Variants in SARDH observed in about 807,000 individuals in gnomAD.
The protein encoded by SARDH is sarcosine dehydrogenase.
SARDH carries 95 observed loss-of-function variants against 109.1 expected under a neutral mutation model. The ratio of observed to expected loss-of-function variants is 0.87; its 90% CI spans 0.74 to 1.03. The LOEUF (loss-of-function observed/expected upper bound fraction) is 1.03. SARDH is among the 50% of genes least tolerant of loss of function. The probability of loss-of-function intolerance (pLI) is 0.00; values close to 1 mark genes in which losing one functional copy is unlikely to be tolerated. For missense variants in SARDH, 1,267 were observed against 1,287.8 expected, an observed-to-expected ratio of 0.98 and a Z score of 0.25; for synonymous variants, 572 against 534.8, an observed-to-expected ratio of 1.07 and a Z score of -0.96.
At chr9:133,703,620 A>T (rs1352012612) in intron 12 of SARDH, 2 of 152,194 alleles carry the variant, frequency 1.3e-5, no homozygotes, top group Non-Finnish European at 2.9e-5. Flanking sequence ...ACAGCCCCAC[A>T]GCCCCATGCC....
At position 133,696,291 on chromosome 9, in the gene SARDH, T is replaced by C. The variant is rs143546670; in HGVS notation, c.1739A>G (p.Tyr580Cys). 2.3e-4 allele frequency: 378 copies of C among 1,614,052 alleles called. No homozygotes were observed. The highest frequency in any genetic ancestry group is 3.0e-4 in the Non-Finnish European group (355 of 1,180,010). The change falls in exon 14 of 21, where the codon TAC becomes TGC. Residue 580 changes from tyrosine to cysteine, a missense_variant. Transcript: ENST00000439388. ...VFDMSYFGKF[Y>C]LVGLDARKAA... ...CTTCCTTGCATCCAGCCCCACCAGG[T>C]AGAACTTCCCGAAGTAGGACATGTC...
At chr9:133,736,064 A>G (rs1008037306) in intron 1 of SARDH, among the ~76,000 whole-genome samples, 1 of 151,696 alleles carries the variant, frequency 6.6e-6, no homozygotes, top group Admixed American at 6.6e-5. Context: ...AAAAGATGCG[A>G]AAGAGACATG....
At chr9:133,733,736 T>C in intron 2 of SARDH, 107 bp downstream of exon 2, 1 of 1,149,154 alleles carries the variant, frequency 8.7e-7, no homozygotes, top group Non-Finnish European at 1.2e-6. Context: ...CAGGGTCTCT[T>C]CCCCAGGCTG....
At chr9:133,710,150 A>T (rs909300338) in intron 10 of SARDH, among the ~76,000 whole-genome samples, 1 of 152,194 alleles carries the variant, frequency 6.6e-6, no homozygotes, top group East Asian at 1.9e-4. Flanking sequence ...CCCAGCCCAC[A>T]CTCTGGCTCT....
intron 17 of SARDH, among the ~76,000 whole-genome samples, chr9:133,680,584 G>C (rs1830663527): frequency 6.6e-6 from 1 of 152,154 alleles, no homozygotes; most frequent in Non-Finnish European, 1.5e-5. Context: ...ACCTCCCCAG[G>C]GCCCTCAAGA....
rs1235234627 is a variant in SARDH at position 133,708,316 on chromosome 9, G to A, written c.1441C>T (p.Arg481Cys). The A allele has an allele frequency of 6.8e-6, 11 of 1,613,108 alleles. No individual in the cohort carries two copies. The South Asian group carries it at 7.7e-5, about 11-fold the overall frequency. ...VFPHDEPLAG[R>C]NMRRDPLHEE... ...TGCAGCGGGTCTCTCCTCATGTTGC[G>A]CCCGGCCAGCGGCTCATCGTGGGGG... The change falls in exon 11 of 21, where the codon CGC becomes TGC. Residue 481 changes from arginine (R) to cysteine (C), a missense_variant. By Grantham distance (180) the Arg-to-Cys change is radical (BLOSUM62 -3). Transcript: ENST00000439388.
intron 19 of SARDH, among the ~76,000 whole-genome samples, chr9:133,669,983 A>G (rs1271169480): frequency 6.6e-6 from 1 of 152,058 alleles, no homozygotes; most frequent in Non-Finnish European, 1.5e-5. Context: ...CTACCTCCCC[A>G]CGGGCCCTGC....
intron 17 of SARDH, among the ~76,000 whole-genome samples, chr9:133,675,555 G>T (rs1364813727): frequency 6.6e-6 from 1 of 152,056 alleles, no homozygotes; most frequent in Non-Finnish European, 1.5e-5. Flanking sequence ...GTGAGGATGT[G>T]GAGAAACTGG....
chr9:133,705,173 T>A, intron 11 of SARDH, 142 bp from the exon 12 acceptor site: 1 of 754,436 alleles, frequency 1.3e-6, no homozygotes, highest in South Asian at 1.7e-5. Flanking sequence ...TCCAGCCCAG[T>A]GTTTGCAGCT....
At chr9:133,714,145 G>A (rs1278977489) in intron 8 of SARDH, among the ~76,000 whole-genome samples, 2 of 152,182 alleles carry the variant, frequency 1.3e-5, no homozygotes, top group African/African-American at 2.4e-5. Context: ...GTTCGTGAAC[G>A]ATGATACGGG....
intron 15 of SARDH, 125 bp from the exon 16 acceptor site, chr9:133,690,652 G>T: frequency 9.0e-7 from 1 of 1,107,062 alleles, no homozygotes; most frequent in Non-Finnish European, 1.3e-6. Flanking sequence ...TGCCTTCACA[G>T]TGCCCAGGAA....
Position 133,710,608 on chromosome 9 carries a change from T to G in SARDH, c.1328+2011A>C, listed in dbSNP as rs193014032. Among the ~76,000 whole-genome samples, 7 of 152,356 alleles carry G rather than the reference T, an allele frequency of 4.6e-5. No individual in the cohort carries two copies. In the East Asian group the frequency reaches 1.4e-3, roughly 29 times the overall value. Reference sequence around the variant, plus strand: ...GAGAGCTCCGTTCTGGCGCCGACGCTCTCTGTTCACTTTCTTTTCTGGGTC... The same window carrying G: ...GAGAGCTCCGTTCTGGCGCCGACGCGCTCTGTTCACTTTCTTTTCTGGGTC... On this transcript the variant is annotated intron_variant, in intron 10 of 20. Coordinates refer to ENST00000439388, the MANE Select transcript of SARDH (RefSeq NM_001134707.2).
Position 133,718,850 on chromosome 9 carries a change from A to G in SARDH, c.1020+88T>C. Reference sequence around the variant, plus strand: ...CTCAGGTGTGCCTCTGAGGAGCTTCAGGAGGATGGACTTCCTGAAAGAGGC... The same window carrying G: ...CTCAGGTGTGCCTCTGAGGAGCTTCGGGAGGATGGACTTCCTGAAAGAGGC... On this transcript the variant is annotated intron_variant, in intron 7 of 20. Transcript: ENST00000439388. This position sits in a 1 kb window ranked among gnomAD's most constrained non-coding sequence, Gnocchi z 4.2. The G allele has an allele frequency of 1.9e-6, 2 of 1,045,060 alleles. No individual in the cohort carries two copies. Among genetic ancestry groups the G allele is most frequent in the Non-Finnish European group, 1.5e-6 (1 of 664,144 alleles). The allele number at this position is 1,045,060 out of a possible 1,614,324, so 64.7% of individuals were successfully genotyped here. A position where few individuals can be genotyped will look rare whatever the true frequency, so the allele number is the denominator to read the frequency against.
chr9:133,677,795 G>C (rs1001043209), intron 17 of SARDH, among the ~76,000 whole-genome samples: 19 of 152,226 alleles, frequency 1.2e-4, no homozygotes, highest in African/African-American at 4.3e-4. Flanking sequence ...CTGGACAAGA[G>C]GGGAATGATT....
chr9:133,716,234 C>T (rs1832117941), intron 8 of SARDH, among the ~76,000 whole-genome samples: 1 of 152,246 alleles, frequency 6.6e-6, no homozygotes. Context: ...TGATCAGTGA[C>T]TTGCATTGGG....
chr9:133,667,462 G>A (rs956312822), intron 19 of SARDH, among the ~76,000 whole-genome samples: 7 of 151,812 alleles, frequency 4.6e-5, no homozygotes, highest in African/African-American at 4.8e-5. Context: ...CACTGCGCCC[G>A]GCCAGGTTCA....
In SARDH at chr9:133,709,311, G is replaced by A. The variant is rs1262082108; in HGVS notation, c.1329-883C>T. On this transcript the variant is annotated intron_variant, in intron 10 of 20. Transcript: ENST00000439388. This position sits in a 1 kb window ranked among gnomAD's most constrained non-coding sequence, Gnocchi z 4.2. ...CAGAGCAATCAGTGCCCCGCGGCTTGTTCCCTGGTCTCCTCAGACCAGCCA... is the reference window on the plus strand; with the variant it reads ...CAGAGCAATCAGTGCCCCGCGGCTTATTCCCTGGTCTCCTCAGACCAGCCA... Among the ~76,000 whole-genome samples the A allele has an allele frequency of 2.0e-5, 3 of 152,152 alleles. No homozygotes were observed. The highest frequency in any genetic ancestry group is 2.1e-4 in the South Asian group (1 of 4,834).
At chr9:133,738,453 T>A (rs1464749822), upstream of SARDH, 2 of 151,406 alleles carry the variant, frequency 1.3e-5, no homozygotes, top group Admixed American at 6.6e-5. Flanking sequence ...GCCAGCTTAG[T>A]TGGGGCTTCT....
chr9:133,712,846 T>C lies in SARDH; in HGVS notation c.1238-137A>G. On this transcript the variant is annotated intron_variant, in intron 9 of 20. Transcript: ENST00000439388. The surrounding 1 kb of genome is among the most constrained non-coding windows in gnomAD (Gnocchi z 4.1). ...CACACCTGGGGTGCTGCACGCCTCC[T>C]GATTGGACTGCTGCTGGACTGGACC... The C allele has an allele frequency of 4.2e-6, 4 of 943,790 alleles. No homozygotes were observed. Among genetic ancestry groups the C allele is most frequent in the East Asian group, 5.2e-5 (2 of 38,274 alleles). 58.5% of individuals were successfully genotyped at this position (943,790 alleles called of 1,614,324 possible). A position where few individuals can be genotyped will look rare whatever the true frequency, so the allele number is the denominator to read the frequency against.
Sources: allele counts gnomAD v4.1 joint callset (sites outside exome capture counted in the v4.1 genomes callset), GRCh38; gene constraint gnomAD v4.1.1; non-coding constraint Gnocchi (gnomAD v3.1); transcripts MANE v1.5; gene names NCBI Gene and HGNC (gene_info 2026-07-23, HGNC 2026-07-21).